Variants in GLIPR2 observed in about 807,000 individuals in gnomAD.
GLIPR2 encodes the protein GLI pathogenesis related 2, also known as Golgi-associated plant pathogenesis-related protein 1.
Under a neutral mutation model 20.4 loss-of-function variants are expected in GLIPR2, and 21 were observed. The ratio of observed to expected loss-of-function variants is 1.03; its 90% confidence interval spans 0.73 to 1.48. The LOEUF is 1.48. Ranked by LOEUF, GLIPR2 falls within the 40% of genes most tolerant of loss-of-function variation. The pLI, the probability that GLIPR2 is intolerant of heterozygous loss-of-function variation, is 0.00. For missense variants in GLIPR2, 205 were observed against 200.1 expected, an observed-to-expected ratio of 1.02 and a Z score of -0.15; for synonymous variants, 91 against 80.5, an observed-to-expected ratio of 1.13 and a Z score of -0.70.
rs182978577 is a variant in GLIPR2 at position 36,148,530 on chromosome 9, C to T, written c.123-17C>T. The T allele has an allele frequency of 1.6e-4, 251 of 1,590,000 alleles. 1 individual carries two copies. In the African/African-American group the frequency reaches 2.7e-3, roughly 17 times the overall value. ...CTGAACTGCACCTGCTCTGAGGAGGCGCTGTGAACTCTGCAGGTATTCTGA... is the reference window on the plus strand; with the variant it reads ...CTGAACTGCACCTGCTCTGAGGAGGTGCTGTGAACTCTGCAGGTATTCTGA... On this transcript the variant is annotated splice_polypyrimidine_tract_variant and intron_variant, in intron 2 of 4. Transcript: ENST00000377960.
rs1178478294 is a variant in GLIPR2 at position 36,163,329 on chromosome 9, G to A, written c.*807G>A. 1 of 178,318 alleles carries A rather than the reference G, an allele frequency of 5.6e-6. No individual in the cohort carries two copies. The highest frequency in any genetic ancestry group is 2.4e-5 in the African/African-American group (1 of 41,610). The allele number at this position is 178,318 out of a possible 1,614,324, so 11.0% of individuals were successfully genotyped here. The stretch of plus-strand genomic sequence containing the variant: ...CCCCCTCCCCCACCTCTGCTAGGCA[G>A]CCCAGGCCTGGTCTGGGAGACAGCC... On this transcript the variant is annotated 3_prime_UTR_variant, in exon 5 of 5. Transcript: ENST00000377960.
chr9:36,145,548 ATAGATGGATGGACCT>A (rs1271876671), intron 1 of GLIPR2, among the ~76,000 whole-genome samples: 3 of 152,218 alleles, frequency 2.0e-5, no homozygotes, highest in African/African-American at 7.2e-5. Flanking sequence ...TAAATGGAGG[ATAGATGGATGGACCT>A]TGGATGAATG....
chr9:36,142,019 T>A (rs1825112583), intron 1 of GLIPR2: 1 of 380,620 alleles, frequency 2.6e-6, no homozygotes, highest in African/African-American at 2.1e-5. Context: ...ACCTTTATTT[T>A]AAGTCCCAAG....
chr9:36,150,579 A>C (rs1489730335), intron 3 of GLIPR2, among the ~76,000 whole-genome samples: 2 of 152,248 alleles, frequency 1.3e-5, no homozygotes, highest in Non-Finnish European at 2.9e-5. Flanking sequence ...GGCTTTGCCC[A>C]GGATTACACA....
At chr9:36,150,737 T>G in intron 3 of GLIPR2, 135 bp from the exon 4 acceptor site, 1 of 647,666 alleles carries the variant, frequency 1.5e-6, no homozygotes, top group Non-Finnish European at 2.8e-6. Context: ...GCGTCCAGGA[T>G]GTGTCAGCTG....
chr9:36,146,349 AG>A (rs1825324763), intron 1 of GLIPR2: 1 of 152,240 alleles, frequency 6.6e-6, no homozygotes, highest in African/African-American at 2.4e-5. Flanking sequence ...ATTAAATTTT[AG>A]CATGAGTTTT....
upstream of GLIPR2, chr9:36,136,597 G>T (rs559797943): frequency 6.0e-5 from 23 of 380,218 alleles, no homozygotes; most frequent in Non-Finnish European, 1.0e-4. The surrounding 1 kb of genome is among the most constrained non-coding windows in gnomAD (Gnocchi z 4.3). Context: ...AGCTCTCCGG[G>T]AGGCCCACGG....
intron 1 of GLIPR2, 49 bp from the exon 2 acceptor site, chr9:36,147,737 T>G (rs1307959232): frequency 2.3e-6 from 2 of 857,734 alleles, no homozygotes; most frequent in Admixed American, 3.4e-5. Flanking sequence ...ATACTTTTGA[T>G]GAGTGTTTTC....
chr9:36,148,932 G>A (rs1825461211), intron 3 of GLIPR2, among the ~76,000 whole-genome samples: 1 of 152,170 alleles, frequency 6.6e-6, no homozygotes, highest in Non-Finnish European at 1.5e-5. Flanking sequence ...CCGAGGAGTG[G>A]GGGTTGGGGA....
In GLIPR2 at chr9:36,136,895, A is replaced by G; in HGVS notation, c.13+104A>G. 8.3e-7 allele frequency: 1 copy of G among 1,201,812 alleles called. No individual in the cohort carries two copies. The highest frequency in any genetic ancestry group is 1.0e-6 in the Non-Finnish European group (1 of 960,638). 74.4% of individuals were successfully genotyped at this position (1,201,812 alleles called of 1,614,324 possible). A position where few individuals can be genotyped will look rare whatever the true frequency, so the allele number is the denominator to read the frequency against. ...CAAGCCAGGTCCTGGGGAGTGCGGG[A>G]GCCCGGGGTGCGGGTGGAGGGCGCG... On this transcript the variant is annotated intron_variant, in intron 1 of 4. Coordinates refer to ENST00000377960, the MANE Select transcript of GLIPR2 (RefSeq NM_022343.4). This position sits in a 1 kb window ranked among gnomAD's most constrained non-coding sequence, Gnocchi z 4.3.
chr9:36,162,278 G>A (rs1377192141), intron 4 of GLIPR2, 84 bp from the exon 5 acceptor site: 1 of 1,603,078 alleles, frequency 6.2e-7, no homozygotes, highest in Non-Finnish European at 8.5e-7. Flanking sequence ...AGATGGTACA[G>A]GGGTTCAACA....
chr9:36,136,737 T>C lies in GLIPR2; in HGVS notation c.-42T>C. The C allele has an allele frequency of 7.9e-7, 1 of 1,258,434 alleles. No homozygotes were observed. The allele number at this position is 1,258,434 out of a possible 1,614,324, so 78.0% of individuals were successfully genotyped here. On this transcript the variant is annotated 5_prime_UTR_variant, in exon 1 of 5. Coordinates refer to ENST00000377960, the MANE Select transcript of GLIPR2 (RefSeq NM_022343.4). The surrounding 1 kb of genome is among the most constrained non-coding windows in gnomAD (Gnocchi z 4.3). ...GCGGCGCTGGGCCGGGCGAGCGCAG[T>C]GCAGCGCAGCCGCGGGGAGCGAGGA...
At chr9:36,140,481 A>T (rs529063562) in intron 1 of GLIPR2, among the ~76,000 whole-genome samples, 118 of 152,204 alleles carry the variant, frequency 7.8e-4, no homozygotes, top group African/African-American at 2.8e-3. Flanking sequence ...TCCTTCACAC[A>T]CAGATGGGAA....
chr9:36,151,702 T>TC (rs1294816479), intron 4 of GLIPR2, among the ~76,000 whole-genome samples: 2 of 152,074 alleles, frequency 1.3e-5, no homozygotes, highest in African/African-American at 4.8e-5. Context: ...CTCAAAGGCT[T>TC]CCCTTGACGA....
intron 1 of GLIPR2, among the ~76,000 whole-genome samples, chr9:36,143,602 GAGAGA>G (rs998390206): frequency 6.6e-6 from 1 of 152,148 alleles, no homozygotes; most frequent in African/African-American, 2.4e-5. Flanking sequence ...AGCGTCTCCT[GAGAGA>G]AGCTTGTTTG....
chr9:36,162,187 AAG>A, intron 4 of GLIPR2, 173 bp from the exon 5 acceptor site: 1 of 1,491,652 alleles, frequency 6.7e-7, no homozygotes, highest in Non-Finnish European at 8.9e-7. Flanking sequence ...GGGAAAAAAA[AAG>A]AAGTCAGGCA....
chr9:36,141,141 T>C (rs1045405710), intron 1 of GLIPR2, among the ~76,000 whole-genome samples: 3 of 152,202 alleles, frequency 2.0e-5, no homozygotes, highest in African/African-American at 7.2e-5. Flanking sequence ...CGAAAGCATT[T>C]ACATAGATTA....
At chr9:36,136,667 C>T (rs1409115741), upstream of GLIPR2, 23 of 795,714 alleles carry the variant, frequency 2.9e-5, no homozygotes, top group South Asian at 1.9e-4. This position sits in a 1 kb window ranked among gnomAD's most constrained non-coding sequence, Gnocchi z 4.3. Context: ...GGCCGGGCGG[C>T]GCCGGAGGAG....
chr9:36,148,303 T>C (rs946790699), intron 2 of GLIPR2, among the ~76,000 whole-genome samples: 4 of 151,478 alleles, frequency 2.6e-5, no homozygotes, highest in African/African-American at 9.7e-5. Flanking sequence ...GGTTTTGGGA[T>C]CAGATATAAC....
Sources: allele counts gnomAD v4.1 joint callset (sites outside exome capture counted in the v4.1 genomes callset), GRCh38; gene constraint gnomAD v4.1.1; non-coding constraint Gnocchi (gnomAD v3.1); transcripts MANE v1.5; gene names NCBI Gene and HGNC (gene_info 2026-07-23, HGNC 2026-07-21).